The following MYT1L variants were observed in gnomAD, a reference collection of about 807,000 sequenced individuals.
MYT1L encodes myelin transcription factor 1-like protein.
In MYT1L, 12 loss-of-function variants were observed where a neutral mutation model predicts 126.7. The ratio of observed to expected loss-of-function variants is 0.09; its 90% CI spans 0.06 to 0.15. The LOEUF (loss-of-function observed/expected upper bound fraction) is 0.15. Among genes scored for constraint, MYT1L ranks in the 10% least tolerant of loss-of-function variants. MYT1L has a pLI of 1.00. For synonymous variants in MYT1L, 541 were observed against 604.2 expected (o/e 0.90, Z 1.53); for missense variants, 979 against 1,585.2 (o/e 0.62, Z 6.49).
chr2:2,308,889 C>A (rs2095904468), intron 1 of MYT1L, among the ~76,000 whole-genome samples: 4 of 151,832 alleles, frequency 2.6e-5, no homozygotes, highest in Non-Finnish European at 5.9e-5. Context: ...TCTATCTATA[C>A]TCTCCCTGTG....
At chr2:2,319,260 A>T (rs1012216618) in intron 1 of MYT1L, 2 of 152,184 alleles carry the variant, frequency 1.3e-5, no homozygotes, top group East Asian at 3.9e-4. Flanking sequence ...TCACCATGCC[A>T]AATCCAAAAT....
chr2:2,318,077 C>A (rs568832840), intron 1 of MYT1L, among the ~76,000 whole-genome samples: 11 of 152,184 alleles, frequency 7.2e-5, no homozygotes, highest in Admixed American at 5.2e-4. Flanking sequence ...AATCAGCAAG[C>A]CTCACACTTC....
intron 3 of MYT1L, among the ~76,000 whole-genome samples, chr2:2,150,583 T>C (rs2085597227): frequency 6.6e-6 from 1 of 151,998 alleles, no homozygotes; most frequent in African/African-American, 2.4e-5. Context: ...TAAATTACAA[T>C]TTTTTTTAGA....
chr2:1,933,468 A>G (rs2055305826), intron 9 of MYT1L, among the ~76,000 whole-genome samples: 1 of 152,244 alleles, frequency 6.6e-6, no homozygotes, highest in South Asian at 2.1e-4. Context: ...AACACTGAAC[A>G]AAAATTTATT....
chr2:2,038,812 T>C (rs1410084416), intron 4 of MYT1L, among the ~76,000 whole-genome samples: 2 of 152,216 alleles, frequency 1.3e-5, no homozygotes, highest in East Asian at 1.9e-4. Flanking sequence ...TCAGCCATCC[T>C]GAACCCACAC....
rs527809462 is a variant in MYT1L at position 2,137,841 on chromosome 2, G to A, written c.-304+35031C>T. ...AACAAAAGCCACAATTGACAAATGG[G>A]ATCTAATTAAACTAAAGAGCTTCTG... On this transcript the variant is annotated intron_variant, in intron 3 of 24. Coordinates refer to ENST00000647738, the MANE Select transcript of MYT1L (RefSeq NM_001303052.2). Among the ~76,000 whole-genome samples the A allele has an allele frequency of 4.6e-5, 7 of 151,758 alleles. No individual in the cohort carries two copies. In the South Asian group the frequency reaches 1.5e-3, roughly 31 times the overall value.
intron 3 of MYT1L, among the ~76,000 whole-genome samples, chr2:2,094,047 T>C (rs1008757615): frequency 1.3e-5 from 2 of 152,216 alleles, no homozygotes; most frequent in Non-Finnish European, 1.5e-5. Context: ...TCCATTGGTC[T>C]ATATCTCTAT....
intron 2 of MYT1L, among the ~76,000 whole-genome samples, chr2:2,252,731 G>A (rs955960728): frequency 6.6e-6 from 1 of 152,106 alleles, no homozygotes; most frequent in African/African-American, 2.4e-5. Flanking sequence ...AAGGAAAGAG[G>A]CCATCGTCTT....
chr2:1,812,931 T>A (rs1346712566), intron 21 of MYT1L, among the ~76,000 whole-genome samples: 3 of 147,862 alleles, frequency 2.0e-5, no homozygotes, highest in Admixed American at 1.3e-4. Flanking sequence ...TGGGTTAAGA[T>A]GAGAGGAGGG....
chr2:1,817,565 G>A (rs781414488), intron 21 of MYT1L, among the ~76,000 whole-genome samples: 13 of 152,266 alleles, frequency 8.5e-5, no homozygotes, highest in Admixed American at 2.0e-4. Context: ...AAACGCGGCT[G>A]TGTCGGTGCT....
intron 3 of MYT1L, among the ~76,000 whole-genome samples, chr2:2,158,229 C>T (rs904023089): frequency 1.3e-5 from 2 of 151,672 alleles, no homozygotes; most frequent in African/African-American, 2.4e-5. Context: ...TATGCCCTGG[C>T]CCTTGCTAGG....
At chr2:2,274,593 C>A (rs2149360953) in intron 2 of MYT1L, among the ~76,000 whole-genome samples, 1 of 152,246 alleles carries the variant, frequency 6.6e-6, no homozygotes, top group Non-Finnish European at 1.5e-5. Flanking sequence ...AAAGCAATTT[C>A]TTGGACTAAG....
At chr2:2,014,285 C>T (rs1185381183) in intron 4 of MYT1L, among the ~76,000 whole-genome samples, 4 of 151,828 alleles carry the variant, frequency 2.6e-5, no homozygotes, top group Admixed American at 6.6e-5. Context: ...ATAACCAGCC[C>T]TTGTCCTTGT....
At chr2:2,133,210 G>T (rs1210218958) in intron 3 of MYT1L, among the ~76,000 whole-genome samples, 1 of 152,104 alleles carries the variant, frequency 6.6e-6, no homozygotes, top group Non-Finnish European at 1.5e-5. Context: ...TCACAGGACG[G>T]CAGTGTAAAG....
intron 9 of MYT1L, among the ~76,000 whole-genome samples, chr2:1,937,247 C>T (rs1425743238): frequency 1.3e-5 from 2 of 152,220 alleles, no homozygotes; most frequent in Non-Finnish European, 2.9e-5. Flanking sequence ...GCCTCCATGC[C>T]TTGCCCAGAG....
chr2:2,195,540 G>A (rs1191666639), intron 2 of MYT1L, among the ~76,000 whole-genome samples: 1 of 152,092 alleles, frequency 6.6e-6, no homozygotes, highest in Non-Finnish European at 1.5e-5. Flanking sequence ...TGAAATTCAA[G>A]CAAAATGAAA....
chr2:2,268,731 C>T (rs1014915876), intron 2 of MYT1L, among the ~76,000 whole-genome samples: 2 of 152,100 alleles, frequency 1.3e-5, no homozygotes, highest in Non-Finnish European at 2.9e-5. Flanking sequence ...TGAAGATAAC[C>T]CGCGGCAGTT....
At chr2:2,265,480 G>T (rs984291979) in intron 2 of MYT1L, among the ~76,000 whole-genome samples, 1 of 152,116 alleles carries the variant, frequency 6.6e-6, no homozygotes, top group Admixed American at 6.6e-5. Flanking sequence ...TGAGCTCAAA[G>T]AGCTGCAGCC....
chr2:2,186,395 CTG>C (rs2092202411), intron 2 of MYT1L, among the ~76,000 whole-genome samples: 1 of 152,256 alleles, frequency 6.6e-6, no homozygotes. Context: ...TAGTCCCGCA[CTG>C]TTAATGTTTT....
Sources: allele counts gnomAD v4.1 joint callset (sites outside exome capture counted in the v4.1 genomes callset), GRCh38; gene constraint gnomAD v4.1.1; transcripts MANE v1.5; gene names NCBI Gene and HGNC (gene_info 2026-07-23, HGNC 2026-07-21).